The following KIF1B variants were observed in gnomAD, a reference collection of about 807,000 sequenced individuals.
The protein encoded by KIF1B is kinesin family member 1B, also known as kinesin-like protein KIF1B.
KIF1B carries 76 observed loss-of-function variants against 241.9 expected under a neutral mutation model. The ratio of observed to expected loss-of-function variants is 0.31; its 90% CI spans 0.26 to 0.38. KIF1B has a LOEUF of 0.38. Among genes scored for constraint, KIF1B ranks in the 10% least tolerant of loss-of-function variants. The pLI, the probability that KIF1B is intolerant of heterozygous loss-of-function variation, is 1.00. For synonymous variants in KIF1B, 750 were observed against 796.7 expected (o/e 0.94, Z 0.99); for missense variants, 1,622 against 2,271.4 (o/e 0.71, Z 5.81).
At chr1:10,279,271 CAGAA>C in intron 14 of KIF1B, 133 bp downstream of exon 14, 1 of 508,566 alleles carries the variant, frequency 2.0e-6, no homozygotes, top group Non-Finnish European at 3.4e-6. Context: ...AGTATAGAAT[CAGAA>C]ATGATCCTAT....
intron 2 of KIF1B, among the ~76,000 whole-genome samples, chr1:10,248,499 C>G (rs1252489779): frequency 6.6e-6 from 1 of 152,190 alleles, no homozygotes; most frequent in Non-Finnish European, 1.5e-5. Context: ...CTGTGCTCAG[C>G]TGACATAATC....
intron 1 of KIF1B, among the ~76,000 whole-genome samples, chr1:10,226,622 C>T (rs1321824241): frequency 6.6e-6 from 1 of 152,128 alleles, no homozygotes; most frequent in East Asian, 1.9e-4. Context: ...CTAACAAATT[C>T]CTTAATATCA....
chr1:10,273,733 A>AAAAAAAAAC, intron 10 of KIF1B, among the ~76,000 whole-genome samples: 1 of 88,220 alleles, frequency 1.1e-5, no homozygotes, highest in African/African-American at 3.0e-5. Context: ...AAAAAAAAAA[A>AAAAAAAAAC]AAAAAACCCA....
intron 2 of KIF1B, among the ~76,000 whole-genome samples, chr1:10,233,957 C>A (rs1647015820): frequency 6.6e-6 from 1 of 151,756 alleles, no homozygotes; most frequent in Non-Finnish European, 1.5e-5. Flanking sequence ...TTGGTTTCCT[C>A]AACTATAAAC....
rs1429729865 is a variant in KIF1B at position 10,278,224 on chromosome 1, G to T, written c.1180+96G>T. 5 of 1,255,078 alleles carry T rather than the reference G, an allele frequency of 4.0e-6. No homozygotes were observed. The African/African-American group carries it at 7.5e-5, about 19-fold the overall frequency. The allele number at this position is 1,255,078 out of a possible 1,614,324, so 77.7% of individuals were successfully genotyped here. A position where few individuals can be genotyped will look rare whatever the true frequency, so the allele number is the denominator to read the frequency against. ...TTTAAAATAAACTTCAAGTTAAGGA[G>T]CATGATGAAGCTAAATGGTAGTGAA... On this transcript the variant is annotated intron_variant, in intron 13 of 48. Coordinates refer to ENST00000676179, the MANE Select transcript of KIF1B (RefSeq NM_001365951.3).
chr1:10,341,033 A>G (rs1415632839), intron 32 of KIF1B, among the ~76,000 whole-genome samples: 4 of 152,236 alleles, frequency 2.6e-5, no homozygotes, highest in African/African-American at 7.2e-5. Context: ...GCAAGCATGT[A>G]TCTGATAAAC....
intron 38 of KIF1B, among the ~76,000 whole-genome samples, chr1:10,356,508 T>C (rs1374336742): frequency 2.6e-5 from 4 of 152,108 alleles, no homozygotes; most frequent in Non-Finnish European, 5.9e-5. Flanking sequence ...GTGACCATGA[T>C]ATAAGAAGGT....
At position 10,250,101 on chromosome 1, in the gene KIF1B, G is replaced by A. The variant is rs373455607; in HGVS notation, c.107-6146G>A. Among the ~76,000 whole-genome samples, 39 of 152,244 alleles carry A rather than the reference G, an allele frequency of 2.6e-4. No homozygotes were observed. In the East Asian group the frequency reaches 6.9e-3, roughly 27 times the overall value. On this transcript the variant is annotated intron_variant, in intron 2 of 48. Coordinates refer to ENST00000676179, the MANE Select transcript of KIF1B (RefSeq NM_001365951.3). ...GTTGAGATTACAGGCATGAGCCACT[G>A]AACCTGGGCCTGGTGTGTTTTTCTT...
rs1650302687 is a variant in KIF1B, at chr1:10,297,068, TG to T, written c.2035del (p.Glu679ArgfsTer95). 1 of 1,613,688 alleles carries T rather than the reference TG, an allele frequency of 6.2e-7. No homozygotes were observed. Among genetic ancestry groups the T allele is most frequent in the Admixed American group, 1.7e-5 (1 of 59,948 alleles). On this transcript the variant is annotated frameshift_variant, in exon 21 of 49. Transcript: ENST00000676179. LOFTEE classifies it high-confidence loss of function. The stretch of plus-strand genomic sequence containing the variant: ...CAAGGAATTGATATGAAACAAGAGA[TG>T]GAGAAAAGGTAATGCACAGTTACGC... Reference protein sequence around the residue: ...EKQGIDMKQEMEKRLQEMEIL... With the variant: ...EKQGIDMKQEXEKRLQEMEIL...
intron 33 of KIF1B, among the ~76,000 whole-genome samples, chr1:10,342,376 C>T (rs1338781626): frequency 6.6e-6 from 1 of 152,180 alleles, no homozygotes; most frequent in Non-Finnish European, 1.5e-5. Context: ...GACCAGGTGA[C>T]CTCAAATACC....
chr1:10,245,100 A>G (rs1388394745), intron 2 of KIF1B, among the ~76,000 whole-genome samples: 1 of 152,230 alleles, frequency 6.6e-6, no homozygotes, highest in Non-Finnish European at 1.5e-5. Context: ...CAACAACAGT[A>G]TAATTACTAG....
At chr1:10,322,684 A>G (rs1467007106) in intron 24 of KIF1B, among the ~76,000 whole-genome samples, 1 of 152,190 alleles carries the variant, frequency 6.6e-6, no homozygotes, top group Non-Finnish European at 1.5e-5. Flanking sequence ...GGAATACGAT[A>G]TGTTCTTCAT....
chr1:10,215,150 ATATATATATATATATATATATATT>A (rs1256393470), intron 1 of KIF1B, among the ~76,000 whole-genome samples: 5 of 58,872 alleles, frequency 8.5e-5, no homozygotes, highest in Admixed American at 1.5e-4. Flanking sequence ...ATATATATAT[ATATATATATATATATATATATATT>A]TTTTTTTTTT....
At chr1:10,248,589 A>C (rs886491362) in intron 2 of KIF1B, among the ~76,000 whole-genome samples, 2 of 152,166 alleles carry the variant, frequency 1.3e-5, no homozygotes, top group African/African-American at 2.4e-5. Context: ...CTGATGATGA[A>C]AGATGTCGTT....
At chr1:10,373,254 G>A (rs1406564666) in intron 45 of KIF1B, among the ~76,000 whole-genome samples, 4 of 118,524 alleles carry the variant, frequency 3.4e-5, no homozygotes, top group Non-Finnish European at 3.4e-5. Context: ...CCACTGCGCC[G>A]GCCTTTTTTT....
intron 34 of KIF1B, chr1:10,345,582 A>G (rs1392637693): frequency 2.2e-6 from 1 of 449,436 alleles, no homozygotes; most frequent in Non-Finnish European, 4.1e-6. Flanking sequence ...ATTCTACACA[A>G]AAGCTGTTTT....
rs1196097229 is a variant in KIF1B, at chr1:10,213,975, C to G, written c.-80+3097C>G. 2.8e-5 allele frequency among the ~76,000 whole-genome samples: 4 copies of G among 142,738 alleles called. No homozygotes were observed. In the South Asian group the frequency reaches 6.7e-4, roughly 24 times the overall value. 93.6% of individuals were successfully genotyped at this position (142,738 alleles called of 152,430 possible). A position where few individuals can be genotyped will look rare whatever the true frequency, so the allele number is the denominator to read the frequency against. On this transcript the variant is annotated intron_variant, in intron 1 of 48. Transcript: ENST00000676179. ...AACATAGCAGGACCCCCATCTCTAC[C>G]AAAAAAAAAAAAATCTGGATGTGGG...
Position 10,326,183 on chromosome 1 carries a change from C to T in KIF1B, c.2748C>T (p.Ala916=), listed in dbSNP as rs1282913811. ...DRTPSPTFST[A]DSDITELADE... ...CACCCTCCCCCACTTTTTCCACGGC[C>T]GATTCCGACATCACTGAGCTGGCTG... The change falls in exon 27 of 49, where the codon GCC becomes GCT. Residue 916 remains alanine (A), a synonymous_variant. Transcript: ENST00000676179. This position sits in a 1 kb window ranked among gnomAD's most constrained non-coding sequence, Gnocchi z 5.2. 8 of 1,613,990 alleles carry T rather than the reference C, an allele frequency of 5.0e-6. No homozygotes were observed. The highest frequency in any genetic ancestry group is 1.3e-5 in the African/African-American group (1 of 74,892).
chr1:10,295,609 A>T, intron 18 of KIF1B, 51 bp from the exon 19 acceptor site: 1 of 1,487,808 alleles, frequency 6.7e-7, no homozygotes, highest in Non-Finnish European at 9.4e-7. Context: ...CATTGTTTGT[A>T]GTGCTTTCTG....
Sources: gnomAD v4.1 joint callset for allele counts (sites outside exome capture counted in the v4.1 genomes callset) on GRCh38, gnomAD v4.1.1 for gene constraint, Gnocchi (gnomAD v3.1) non-coding constraint, MANE v1.5 for transcripts, NCBI Gene and HGNC (gene_info 2026-07-23, HGNC 2026-07-21) for gene names.